Variants in NME8 observed in about 807,000 individuals in gnomAD.
The protein encoded by NME8 is protein NME8.
NME8 carries 72 observed loss-of-function variants against 82.3 expected under a neutral mutation model. The observed-to-expected ratio is 0.87, with a 90% CI of 0.72 to 1.06. NME8 has a LOEUF of 1.06. Among genes scored for constraint, NME8 ranks in the 50% least tolerant of loss-of-function variants. The probability of loss-of-function intolerance (pLI) is 0.00; values close to 1 mark genes in which losing one functional copy is unlikely to be tolerated. For missense variants in NME8, 712 were observed against 685.4 expected, an observed-to-expected ratio of 1.04 and a Z score of -0.43; for synonymous variants, 267 against 228.5, an observed-to-expected ratio of 1.17 and a Z score of -1.52.
At chr7:37,882,603 G>GAA (rs1562838269) in intron 12 of NME8, among the ~76,000 whole-genome samples, 4 of 36,020 alleles carry the variant, frequency 1.1e-4, no homozygotes, top group African/African-American at 2.7e-4. Context: ...AAGAAAGAGA[G>GAA]AGAGAGAGAG....
intron 5 of NME8, among the ~76,000 whole-genome samples, chr7:37,854,957 A>G (rs758994886): frequency 1.2e-4 from 18 of 152,172 alleles, no homozygotes; most frequent in Non-Finnish European, 2.1e-4. Context: ...AGCTTTTTCT[A>G]TAACAATGAT....
At chr7:37,855,589 A>AT (rs1784498914) in intron 5 of NME8, among the ~76,000 whole-genome samples, 1 of 151,834 alleles carries the variant, frequency 6.6e-6, no homozygotes. Context: ...CTCCTTAATT[A>AT]TTTTCTTAAA....
rs372631973 is a variant in NME8 at position 37,862,101 on chromosome 7, A to G, written c.344A>G (p.Asp115Gly). The change falls in exon 7 of 18, where the codon GAT becomes GGT. Residue 115 changes from aspartate to glycine, a missense_variant. Physicochemically the swap from Asp to Gly is moderately conservative, Grantham distance 94 (BLOSUM62 -1). Transcript: ENST00000199447. ...LVNKKVINLI[D>G]EERKIAAGEM... Reference sequence around the variant, plus strand: ...AATAAAAAAGTTATTAATTTGATCGATGAGGAGAGAAAAATTGCAGCAGGT... The same window carrying G: ...AATAAAAAAGTTATTAATTTGATCGGTGAGGAGAGAAAAATTGCAGCAGGT... 1 of 1,613,516 alleles carries G rather than the reference A, an allele frequency of 6.2e-7. No homozygotes were observed. Among genetic ancestry groups the G allele is most frequent in the African/African-American group, 1.3e-5 (1 of 74,892 alleles).
intron 10 of NME8, among the ~76,000 whole-genome samples, chr7:37,867,007 T>C (rs1269377402): frequency 6.6e-6 from 1 of 152,166 alleles, no homozygotes; most frequent in Non-Finnish European, 1.5e-5. Flanking sequence ...ACGATTTACA[T>C]GTGAGATGAC....
chr7:37,889,409 GTTC>G (rs1403351167), intron 15 of NME8, among the ~76,000 whole-genome samples: 2 of 149,894 alleles, frequency 1.3e-5, no homozygotes, highest in Admixed American at 6.6e-5. Context: ...TTTTTCTTAT[GTTC>G]TTCTAGCTTT....
chr7:37,857,864 A>T (rs1003357584), intron 6 of NME8, among the ~76,000 whole-genome samples: 3 of 152,154 alleles, frequency 2.0e-5, no homozygotes, highest in African/African-American at 7.2e-5. Context: ...ATACTATTCT[A>T]TATTTTCCAC....
At chr7:37,870,299 T>G (rs949028130) in intron 11 of NME8, among the ~76,000 whole-genome samples, 5 of 151,832 alleles carry the variant, frequency 3.3e-5, no homozygotes, top group African/African-American at 2.4e-5. Context: ...TTTAAAAGTT[T>G]ACCAATTTGA....
intron 5 of NME8, among the ~76,000 whole-genome samples, chr7:37,855,575 T>C (rs989380083): frequency 6.6e-6 from 1 of 152,128 alleles, no homozygotes; most frequent in African/African-American, 2.4e-5. Context: ...GGTAGACATC[T>C]TTTCTCCTTA....
In NME8 at chr7:37,879,559, A is replaced by G. The variant is rs140138965; in HGVS notation, c.994+2552A>G. The stretch of plus-strand genomic sequence containing the variant: ...TCTTTTTATCACTGAATAATATTCC[A>G]TTGTATGTATGCAACTAAGTTTATT... On this transcript the variant is annotated intron_variant, in intron 12 of 17. Transcript: ENST00000199447. 2.0e-4 allele frequency among the ~76,000 whole-genome samples: 30 copies of G among 152,300 alleles called. No individual in the cohort carries two copies. In the East Asian group the frequency reaches 5.4e-3, roughly 27 times the overall value.
At chr7:37,895,608 A>G (rs1048988733) in intron 16 of NME8, among the ~76,000 whole-genome samples, 1 of 152,100 alleles carries the variant, frequency 6.6e-6, no homozygotes, top group African/African-American at 2.4e-5. Context: ...TTTCTATTTT[A>G]TATATATTAC....
At chr7:37,883,473 T>G (rs1032185062) in intron 12 of NME8, among the ~76,000 whole-genome samples, 4 of 152,236 alleles carry the variant, frequency 2.6e-5, no homozygotes, top group African/African-American at 9.6e-5. Context: ...TACAATTGTT[T>G]GCTTAGTTCT....
chr7:37,852,546 T>C (rs1784452484), intron 5 of NME8, among the ~76,000 whole-genome samples: 1 of 152,220 alleles, frequency 6.6e-6, no homozygotes, highest in Non-Finnish European at 1.5e-5. Flanking sequence ...ATCTTTTGAC[T>C]ACCTCCATAG....
chr7:37,881,682 C>A (rs192960778), intron 12 of NME8, among the ~76,000 whole-genome samples: 6 of 152,086 alleles, frequency 3.9e-5, no homozygotes, highest in African/African-American at 1.4e-4. Flanking sequence ...GAAAGTGTTC[C>A]CTCTGCTTCT....
chr7:37,867,884 G>T lies in NME8; in HGVS notation c.804G>T (p.Lys268Asn). The change falls in exon 11 of 18, where the codon AAG becomes AAT. Residue 268 changes from lysine (K) to asparagine (N), a missense_variant. Physicochemically the swap from Lys to Asn is moderately conservative, Grantham distance 94 (BLOSUM62 0). Transcript: ENST00000199447. ...VEAQVTPGMM[K>N]NKQDSLQEYL... ...CCCAGGTTACACCTGGAATGATGAA[G>T]AACAAACAAGACAGGTATAGCTCAA... 1.2e-6 allele frequency: 2 copies of T among 1,613,476 alleles called. No individual in the cohort carries two copies. The highest frequency in any genetic ancestry group is 2.2e-5 in the South Asian group (2 of 91,052).
At chr7:37,863,326 T>G (rs1784626152) in intron 7 of NME8, 70 bp from the exon 8 acceptor site, 1 of 897,204 alleles carries the variant, frequency 1.1e-6, no homozygotes, top group Non-Finnish European at 1.9e-6. Context: ...ATACAAAATT[T>G]CTAAAAACCC....
chr7:37,898,407 A>G (rs1197170481), intron 17 of NME8, among the ~76,000 whole-genome samples: 2 of 152,222 alleles, frequency 1.3e-5, no homozygotes, highest in East Asian at 1.9e-4. Context: ...GGACTCAAAC[A>G]TATACTTGTA....
chr7:37,849,739 C>T (rs1197466939), intron 2 of NME8, among the ~76,000 whole-genome samples: 2 of 152,000 alleles, frequency 1.3e-5, no homozygotes, highest in African/African-American at 2.4e-5. Context: ...GCCGTGGTGG[C>T]GGGTGCCTGT....
At chr7:37,892,392 G>T (rs192075642) in intron 15 of NME8, among the ~76,000 whole-genome samples, 8 of 151,096 alleles carry the variant, frequency 5.3e-5, no homozygotes, top group African/African-American at 1.9e-4. Flanking sequence ...TTCTTTTGAA[G>T]TTTCTGAGTA....
intron 12 of NME8, 94 bp from the exon 13 acceptor site, chr7:37,884,209 T>C: frequency 1.1e-6 from 1 of 879,004 alleles, no homozygotes; most frequent in South Asian, 1.4e-5. Context: ...GAGAATAAAG[T>C]GCATTGTATG....
Sources: gnomAD v4.1 joint callset for allele counts (sites outside exome capture counted in the v4.1 genomes callset) on GRCh38, gnomAD v4.1.1 for gene constraint, MANE v1.5 for transcripts, NCBI Gene and HGNC (gene_info 2026-07-23, HGNC 2026-07-21) for gene names.